Variants in CERS6 observed in about 807,000 individuals in gnomAD.
CERS6 encodes LAG1 homolog, ceramide synthase 6.
Under a neutral mutation model 56.8 loss-of-function variants are expected in CERS6, and 26 were observed. The observed-to-expected ratio is 0.46, with a 90% CI of 0.34 to 0.63. The LOEUF (loss-of-function observed/expected upper bound fraction) is 0.63, where lower values mean the gene tolerates loss of function less well. CERS6 is among the 30% of genes least tolerant of loss of function. CERS6 has a pLI of 0.01. For synonymous variants in CERS6, 164 were observed against 173.3 expected, an observed-to-expected ratio of 0.95 and a Z score of 0.42; for missense variants, 415 against 467.5, an observed-to-expected ratio of 0.89 and a Z score of 1.04.
intron 7 of CERS6, among the ~76,000 whole-genome samples, chr2:168,716,424 A>G (rs1248898758): frequency 6.6e-6 from 1 of 152,102 alleles, no homozygotes; most frequent in Admixed American, 6.6e-5. Context: ...GATGTTTGGT[A>G]GTGCCATGAT....
chr2:168,620,554 G>A (rs1275202550), intron 3 of CERS6, among the ~76,000 whole-genome samples: 3 of 151,912 alleles, frequency 2.0e-5, no homozygotes, highest in Non-Finnish European at 4.4e-5. Flanking sequence ...TTAAGAATTA[G>A]GTATTTTAGT....
chr2:168,472,237 A>T (rs1310052100), intron 1 of CERS6, among the ~76,000 whole-genome samples: 2 of 152,248 alleles, frequency 1.3e-5, no homozygotes, highest in Non-Finnish European at 1.5e-5. Flanking sequence ...TGAAACACGC[A>T]TAAAAGTATA....
At chr2:168,729,798 G>A (rs1194309858) in intron 8 of CERS6, among the ~76,000 whole-genome samples, 1 of 152,144 alleles carries the variant, frequency 6.6e-6, no homozygotes, top group East Asian at 1.9e-4. Flanking sequence ...ATATCTTTGT[G>A]TCTTGTTTCC....
intron 4 of CERS6, among the ~76,000 whole-genome samples, chr2:168,656,767 G>C (rs570083735): frequency 6.6e-6 from 1 of 152,226 alleles, no homozygotes; most frequent in Non-Finnish European, 1.5e-5. Context: ...TGCTGGCTCG[G>C]GCAGCCTGCT....
intron 4 of CERS6, among the ~76,000 whole-genome samples, chr2:168,636,904 C>T (rs556193381): frequency 2.4e-4 from 36 of 152,268 alleles, no homozygotes; most frequent in South Asian, 1.5e-3. Context: ...GCCGTCAGAA[C>T]GCCTGGGTTA....
chr2:168,631,605 A>AATATATATT (rs1684732427), intron 4 of CERS6, among the ~76,000 whole-genome samples: 1 of 117,450 alleles, frequency 8.5e-6, no homozygotes, highest in Admixed American at 1.1e-4. Context: ...TATTAAATAT[A>AATATATATT]TAATATATTT....
intron 8 of CERS6, among the ~76,000 whole-genome samples, chr2:168,729,900 G>A (rs1683470866): frequency 6.6e-6 from 1 of 152,224 alleles, no homozygotes; most frequent in Non-Finnish European, 1.5e-5. Flanking sequence ...CTGTGAGCCT[G>A]CTGTGCATCA....
At chr2:168,672,526 G>C (rs1256325539) in intron 4 of CERS6, among the ~76,000 whole-genome samples, 1 of 152,224 alleles carries the variant, frequency 6.6e-6, no homozygotes, top group Non-Finnish European at 1.5e-5. Flanking sequence ...ATTCTACTTA[G>C]TGTGTTCTAC....
In CERS6 at chr2:168,635,298, C is replaced by T. The variant is rs141662703; in HGVS notation, c.465+4256C>T. 2.0e-3 allele frequency among the ~76,000 whole-genome samples: 307 copies of T among 152,300 alleles called. 1 individual carries two copies. The highest frequency in any genetic ancestry group is 3.1e-3 in the Non-Finnish European group (211 of 68,016). On this transcript the variant is annotated intron_variant, in intron 4 of 9. Coordinates refer to ENST00000305747, the MANE Select transcript of CERS6 (RefSeq NM_203463.3). ...GGTGTCCCTGAGGGAGCATGAGGGG[C>T]TTGGCTCTGGGAATGTGGAAAAACT... is the stretch of plus-strand genomic sequence containing the variant.
intron 1 of CERS6, among the ~76,000 whole-genome samples, chr2:168,485,985 A>G (rs1255957627): frequency 6.6e-6 from 1 of 152,172 alleles, no homozygotes. Flanking sequence ...CCAACAGTGC[A>G]TGAGTTTCCA....
intron 9 of CERS6, chr2:168,766,416 C>T (rs1026371165): frequency 7.5e-7 from 1 of 1,333,310 alleles, no homozygotes; most frequent in Admixed American, 1.7e-5. Flanking sequence ...CACTCAGATG[C>T]TTTTGTTTCC....
At chr2:168,750,939 A>G (rs940664279) in intron 8 of CERS6, among the ~76,000 whole-genome samples, 1 of 152,224 alleles carries the variant, frequency 6.6e-6, no homozygotes, top group South Asian at 2.1e-4. Flanking sequence ...TGGGCATACA[A>G]TACAAACTTA....
intron 3 of CERS6, among the ~76,000 whole-genome samples, chr2:168,623,727 C>T (rs1684526748): frequency 6.6e-6 from 1 of 152,126 alleles, no homozygotes. Context: ...GATATTTATA[C>T]ATTAAAGAAT....
chr2:168,456,410 G>T lies in CERS6; in HGVS notation c.-39G>T. On this transcript the variant is annotated 5_prime_UTR_variant, in exon 1 of 10. Transcript: ENST00000305747. This position sits in a 1 kb window ranked among gnomAD's most constrained non-coding sequence, Gnocchi z 4.1. ...CGCCCTGCGCGGTGGAGAGCTTGGC[G>T]GGCTGCGGGTGCCGCAGGACAGGAG... 2.0e-6 allele frequency: 3 copies of T among 1,536,816 alleles called. No individual in the cohort carries two copies. The highest frequency in any genetic ancestry group is 2.6e-6 in the Non-Finnish European group (3 of 1,136,166).
At chr2:168,639,925 G>A (rs577867316) in intron 4 of CERS6, among the ~76,000 whole-genome samples, 35 of 152,204 alleles carry the variant, frequency 2.3e-4, no homozygotes, top group East Asian at 1.4e-3. Flanking sequence ...GACAGGGGCC[G>A]TTGCTGTCAT....
intron 1 of CERS6, among the ~76,000 whole-genome samples, chr2:168,540,244 A>G (rs963366968): frequency 1.3e-5 from 2 of 152,000 alleles, no homozygotes; most frequent in Non-Finnish European, 2.9e-5. Context: ...GACTCTACAT[A>G]TACAATAGTG....
chr2:168,593,445 C>G (rs1683723040), intron 3 of CERS6, among the ~76,000 whole-genome samples: 1 of 152,172 alleles, frequency 6.6e-6, no homozygotes, highest in Non-Finnish European at 1.5e-5. Context: ...GGCAAAGTGA[C>G]TTAAATAAGG....
At chr2:168,545,880 G>C (rs923152944) in intron 1 of CERS6, among the ~76,000 whole-genome samples, 1 of 152,050 alleles carries the variant, frequency 6.6e-6, no homozygotes, top group African/African-American at 2.4e-5. Context: ...AACACAATGT[G>C]TCAGAGGTGT....
chr2:168,653,225 A>G (rs1186839997), intron 4 of CERS6, among the ~76,000 whole-genome samples: 3 of 152,126 alleles, frequency 2.0e-5, no homozygotes, highest in Non-Finnish European at 2.9e-5. Flanking sequence ...GTAAATGACT[A>G]TTTTTCCAAT....
Sources: allele counts gnomAD v4.1 joint callset (sites outside exome capture counted in the v4.1 genomes callset), GRCh38; gene constraint gnomAD v4.1.1; non-coding constraint Gnocchi (gnomAD v3.1); transcripts MANE v1.5; gene names NCBI Gene and HGNC (gene_info 2026-07-23, HGNC 2026-07-21).